The following ANKRD44 variants were observed in gnomAD, a reference collection of about 807,000 sequenced individuals.
The protein encoded by ANKRD44 is serine/threonine-protein phosphatase 6 regulatory ankyrin repeat subunit B.
Under a neutral mutation model 116.0 loss-of-function variants are expected in ANKRD44, and 35 were observed. The ratio of observed to expected loss-of-function variants is 0.30; its 90% CI spans 0.23 to 0.40. The LOEUF is 0.40. Ranked by LOEUF, ANKRD44 falls within the 10% of genes least tolerant of loss-of-function variation. ANKRD44 has a pLI of 1.00. For missense variants in ANKRD44, 1,014 were observed against 1,242.6 expected, an observed-to-expected ratio of 0.82 and a Z score of 2.77; for synonymous variants, 435 against 461.8, an observed-to-expected ratio of 0.94 and a Z score of 0.74.
intron 10 of ANKRD44, among the ~76,000 whole-genome samples, chr2:197,096,166 A>T (rs1182709078): frequency 6.6e-6 from 1 of 152,144 alleles, no homozygotes; most frequent in Admixed American, 6.5e-5. Flanking sequence ...CTCTGGCATC[A>T]CACTTAGCAT....
At chr2:197,242,440 C>A (rs2082109064) in intron 1 of ANKRD44, among the ~76,000 whole-genome samples, 1 of 152,162 alleles carries the variant, frequency 6.6e-6, no homozygotes, top group Admixed American at 6.6e-5. Flanking sequence ...CCAGTTATAC[C>A]AGGTTTCTCA....
chr2:197,224,026 C>A (rs994279732), intron 1 of ANKRD44, among the ~76,000 whole-genome samples: 1 of 152,124 alleles, frequency 6.6e-6, no homozygotes, highest in East Asian at 1.9e-4. Context: ...AAAGAAATTT[C>A]CATCTGTATT....
chr2:197,273,980 A>AAAT (rs1553546147), intron 1 of ANKRD44, among the ~76,000 whole-genome samples: 8 of 43,924 alleles, frequency 1.8e-4, no homozygotes, highest in African/African-American at 7.1e-4. Context: ...AAAAAAAAAA[A>AAAT]ATATATATAT....
intron 1 of ANKRD44, among the ~76,000 whole-genome samples, chr2:197,223,743 A>G (rs2081638017): frequency 6.6e-6 from 1 of 152,218 alleles, no homozygotes; most frequent in African/African-American, 2.4e-5. Context: ...ATAACAACTT[A>G]CACTCCCAGG....
intron 1 of ANKRD44, among the ~76,000 whole-genome samples, chr2:197,251,894 AT>A (rs1327437902): frequency 1.3e-5 from 2 of 152,128 alleles, no homozygotes; most frequent in Non-Finnish European, 2.9e-5. Flanking sequence ...TCCACTACTT[AT>A]TTTTTTTCTT....
chr2:197,143,065 C>T (rs948044206), intron 3 of ANKRD44, among the ~76,000 whole-genome samples: 16 of 150,102 alleles, frequency 1.1e-4, no homozygotes, highest in African/African-American at 3.6e-4. Context: ...CAAACACTCC[C>T]GCATTAGAGA....
rs190089568 is a variant in ANKRD44 at position 197,112,641 on chromosome 2, G to T, written c.907-1797C>A. On this transcript the variant is annotated intron_variant, in intron 8 of 27. Coordinates refer to ENST00000282272, the MANE Select transcript of ANKRD44 (RefSeq NM_001195144.2). ...GAGAATGGCGTGAACCCGGGAGGCG[G>T]AGTTTGCAGTGAGCCGAAATCGTGC... 2.0e-3 allele frequency among the ~76,000 whole-genome samples: 306 copies of T among 149,350 alleles called. 2 individuals are homozygous for T. The highest frequency in any genetic ancestry group is 7.0e-3 in the African/African-American group (284 of 40,812).
chr2:197,214,532 A>T (rs546551102), intron 1 of ANKRD44, among the ~76,000 whole-genome samples: 1 of 152,200 alleles, frequency 6.6e-6, no homozygotes, highest in South Asian at 2.1e-4. Flanking sequence ...AAAAAGACCA[A>T]GTCAGTAGTA....
intron 2 of ANKRD44, among the ~76,000 whole-genome samples, chr2:197,173,895 T>G (rs2080300081): frequency 6.6e-6 from 1 of 152,148 alleles, no homozygotes; most frequent in Non-Finnish European, 1.5e-5. Context: ...TAGCCGGGCA[T>G]GGTAGCACAT....
At chr2:197,246,350 C>CTGTTTTTT (rs2082190714) in intron 1 of ANKRD44, among the ~76,000 whole-genome samples, 1 of 65,874 alleles carries the variant, frequency 1.5e-5, no homozygotes, top group South Asian at 7.5e-4. Flanking sequence ...CTACATCTGG[C>CTGTTTTTT]TTTTTTTTTT....
intron 17 of ANKRD44, chr2:197,015,283 A>G: frequency 2.6e-6 from 1 of 385,234 alleles, no homozygotes; most frequent in East Asian, 6.6e-5. Context: ...GGTGGTATTA[A>G]AGAAGATATA....
At chr2:197,059,267 T>A (rs1312743244) in intron 16 of ANKRD44, among the ~76,000 whole-genome samples, 2 of 152,184 alleles carry the variant, frequency 1.3e-5, no homozygotes, top group Non-Finnish European at 1.5e-5. Flanking sequence ...TCAATAATTT[T>A]AAAAAATTTG....
At chr2:197,309,583 G>C (rs752237381) in intron 1 of ANKRD44, among the ~76,000 whole-genome samples, 10 of 152,182 alleles carry the variant, frequency 6.6e-5, no homozygotes, top group Non-Finnish European at 5.9e-5. Flanking sequence ...CCAAGGGCTG[G>C]CAAGTCTGAC....
intron 1 of ANKRD44, among the ~76,000 whole-genome samples, chr2:197,259,957 C>A (rs2082553316): frequency 1.3e-5 from 2 of 152,112 alleles, no homozygotes; most frequent in South Asian, 4.1e-4. Flanking sequence ...AGAATGTGGT[C>A]CAATAAAGAA....
intron 16 of ANKRD44, among the ~76,000 whole-genome samples, chr2:197,042,116 C>A (rs1413823616): frequency 1.3e-5 from 2 of 151,954 alleles, no homozygotes; most frequent in African/African-American, 2.4e-5. Flanking sequence ...AACTATGATA[C>A]CCCCAAGCCT....
intron 1 of ANKRD44, chr2:197,263,100 A>C (rs2082649824): frequency 2.2e-6 from 1 of 461,710 alleles, no homozygotes; most frequent in Non-Finnish European, 4.2e-6. Context: ...ACAGCCCCTC[A>C]CCCCCTGAAA....
chr2:197,205,019 G>A (rs2081175483), intron 1 of ANKRD44, among the ~76,000 whole-genome samples: 1 of 152,214 alleles, frequency 6.6e-6, no homozygotes, highest in South Asian at 2.1e-4. Flanking sequence ...TCCCTGATGT[G>A]CTCCAGCAAA....
chr2:197,104,952 T>C (rs1431405670), intron 9 of ANKRD44, among the ~76,000 whole-genome samples: 1 of 152,194 alleles, frequency 6.6e-6, no homozygotes, highest in Non-Finnish European at 1.5e-5. Flanking sequence ...TGCCAGTAAG[T>C]TTACCCATTT....
intron 1 of ANKRD44, among the ~76,000 whole-genome samples, chr2:197,229,537 C>CATTTTG (rs2081806207): frequency 6.6e-6 from 1 of 152,154 alleles, no homozygotes; most frequent in Admixed American, 6.5e-5. Context: ...ACTAGTTTCT[C>CATTTTG]ATTTTGATTA....
Sources: allele counts gnomAD v4.1 joint callset (sites outside exome capture counted in the v4.1 genomes callset), GRCh38; gene constraint gnomAD v4.1.1; transcripts MANE v1.5; gene names NCBI Gene and HGNC (gene_info 2026-07-23, HGNC 2026-07-21).